Variants in CYB5R3 observed in about 807,000 individuals in gnomAD.
The protein encoded by CYB5R3 is NADH-cytochrome b5 reductase 3.
In CYB5R3, 28 loss-of-function variants were observed where a neutral mutation model predicts 36.5. The ratio of observed to expected loss-of-function variants is 0.77; its 90% CI spans 0.57 to 1.05. The LOEUF is 1.05. Among genes scored for constraint, CYB5R3 ranks in the 50% least tolerant of loss-of-function variants. The probability of loss-of-function intolerance (pLI) is 0.00; values close to 1 mark genes in which losing one functional copy is unlikely to be tolerated. For synonymous variants in CYB5R3, 181 were observed against 159.8 expected, an observed-to-expected ratio of 1.13 and a Z score of -1.00; for missense variants, 474 against 408.9, an observed-to-expected ratio of 1.16 and a Z score of -1.37.
rs546611787 is a variant in CYB5R3 at position 42,619,611 on chromosome 22, C to T, written c.*162G>A. On this transcript the variant is annotated 3_prime_UTR_variant, in exon 9 of 9. Coordinates refer to ENST00000352397, the MANE Select transcript of CYB5R3 (RefSeq NM_000398.7). ...CCCATCTGGGACACAGCCCTGCTCCCGAAGGGGCTCCAGGGGAACTGCTCA... is the reference window on the plus strand; with the variant it reads ...CCCATCTGGGACACAGCCCTGCTCCTGAAGGGGCTCCAGGGGAACTGCTCA... The T allele has an allele frequency of 8.8e-6, 6 of 684,146 alleles. No individual in the cohort carries two copies. The highest frequency in any genetic ancestry group is 2.6e-5 in the Admixed American group (1 of 37,802). The allele number at this position is 684,146 out of a possible 1,614,324, so 42.4% of individuals were successfully genotyped here.
At position 42,645,936 on chromosome 22, in the gene CYB5R3, C is replaced by G. The variant is rs1929516087; in HGVS notation, c.21+3359G>C. ...CCAGGAGGCCCCGCCCGAGTTCAAG[C>G]CAGACGGGGAGACAGACACCGGCAG... On this transcript the variant is annotated intron_variant, in intron 1 of 8. Transcript: ENST00000352397. Among the ~76,000 whole-genome samples the G allele has an allele frequency of 2.6e-5, 4 of 152,254 alleles. No homozygotes were observed. In the South Asian group the frequency reaches 6.2e-4, roughly 24 times the overall value.
At chr22:42,638,171 G>C (rs1929000099) in intron 1 of CYB5R3, among the ~76,000 whole-genome samples, 1 of 152,086 alleles carries the variant, frequency 6.6e-6, no homozygotes, top group Non-Finnish European at 1.5e-5. Context: ...CAAGGTGGGT[G>C]GATCACCTGA....
chr22:42,639,791 C>G (rs1929138109), intron 1 of CYB5R3: 1 of 753,020 alleles, frequency 1.3e-6, no homozygotes, highest in Admixed American at 3.1e-5. Context: ...TTAAATGGTT[C>G]AAAATATAGA....
chr22:42,625,112 G>T (rs1416673733), intron 7 of CYB5R3, among the ~76,000 whole-genome samples: 1 of 152,194 alleles, frequency 6.6e-6, no homozygotes, highest in African/African-American at 2.4e-5. Context: ...AAAAAATACA[G>T]AAAATATGGA....
rs1176946418 is a variant in CYB5R3, at chr22:42,647,032, G to C, written c.21+2263C>G. On this transcript the variant is annotated intron_variant, in intron 1 of 8. Transcript: ENST00000352397. Reference sequence around the variant, plus strand: ...ACCCCTGGCCTGGATCCCACAAAGTGTTGGGAGAGGCCTCCCATGGGGCCT... The same window carrying C: ...ACCCCTGGCCTGGATCCCACAAAGTCTTGGGAGAGGCCTCCCATGGGGCCT... 6 of 953,818 alleles carry C rather than the reference G, an allele frequency of 6.3e-6. No homozygotes were observed. The East Asian group carries it at 6.9e-4, about 110-fold the overall frequency. 59.1% of individuals were successfully genotyped at this position (953,818 alleles called of 1,614,324 possible). A position where few individuals can be genotyped will look rare whatever the true frequency, so the allele number is the denominator to read the frequency against.
chr22:42,621,196 G>GTGTGTA (rs1436218477), intron 8 of CYB5R3, among the ~76,000 whole-genome samples: 1 of 150,758 alleles, frequency 6.6e-6, no homozygotes, highest in Non-Finnish European at 1.5e-5. Context: ...GTGTGTGTGT[G>GTGTGTA]TGTGTGTGTG....
At chr22:42,641,370 G>A (rs920192002) in intron 1 of CYB5R3, among the ~76,000 whole-genome samples, 7 of 150,640 alleles carry the variant, frequency 4.6e-5, no homozygotes, top group South Asian at 2.1e-4. Context: ...GCAGTGGCGC[G>A]ATCTTGTCTC....
At chr22:42,647,855 A>T (rs1929601466) in intron 1 of CYB5R3, among the ~76,000 whole-genome samples, 1 of 151,874 alleles carries the variant, frequency 6.6e-6, no homozygotes, top group Admixed American at 6.6e-5. Context: ...TGGGTGAGAG[A>T]CTCTTCTCAA....
In CYB5R3 at chr22:42,644,306, G is replaced by A. The variant is rs1357436759; in HGVS notation, c.21+4989C>T. 3 of 682,104 alleles carry A rather than the reference G, an allele frequency of 4.4e-6. No homozygotes were observed. In the African/African-American group the frequency reaches 5.3e-5, roughly 12 times the overall value. 42.3% of individuals were successfully genotyped at this position (682,104 alleles called of 1,614,324 possible). On this transcript the variant is annotated intron_variant, in intron 1 of 8. Coordinates refer to ENST00000352397, the MANE Select transcript of CYB5R3 (RefSeq NM_000398.7). ...CCCCGGGGGTCCGAACCAACAGGCG[G>A]CTCCACCCCTCCTCAAATACCCACC...
In CYB5R3 at chr22:42,629,460, G is replaced by A. The variant is rs138636925; in HGVS notation, c.334-1179C>T. The stretch of plus-strand genomic sequence containing the variant: ...TCCCTGGTGGCCCTTCTGGAAGCTC[G>A]GTCGCAGGTACCTGTCCCCTGCAGG... On this transcript the variant is annotated intron_variant, in intron 4 of 8. Coordinates refer to ENST00000352397, the MANE Select transcript of CYB5R3 (RefSeq NM_000398.7). Among the ~76,000 whole-genome samples the A allele has an allele frequency of 6.7e-4, 102 of 152,276 alleles. No homozygotes were observed. The East Asian group carries it at 0.018, about 27-fold the overall frequency.
chr22:42,629,990 G>T (rs1928523716), intron 4 of CYB5R3, among the ~76,000 whole-genome samples: 1 of 152,122 alleles, frequency 6.6e-6, no homozygotes, highest in African/African-American at 2.4e-5. Context: ...AGTAGAGACG[G>T]GGTTTCTCCA....
At position 42,623,844 on chromosome 22, in the gene CYB5R3, C is replaced by G; in HGVS notation, c.678G>C (p.Arg226Ser). The G allele has an allele frequency of 6.2e-7, 1 of 1,614,196 alleles. No homozygotes were observed. The highest frequency in any genetic ancestry group is 2.2e-5 in the East Asian group (1 of 44,880). The part of the protein sequence containing the change: ...ILLRPELEEL[R>S]NKHSARFKLW... ...GCTTGAAGCGTGCAGAATGTTTGTT[C>G]CTGAGTTCCTCCAGCTCAGGTCGCA... The change falls in exon 8 of 9, where the codon AGG (arginine) becomes AGC (serine). Residue 226 changes from arginine (R) to serine (S), a missense_variant. Physicochemically the swap from Arg to Ser is moderately radical, Grantham distance 110. Transcript: ENST00000352397.
intron 4 of CYB5R3, among the ~76,000 whole-genome samples, chr22:42,629,172 G>T (rs1201506481): frequency 6.6e-6 from 1 of 152,140 alleles, no homozygotes; most frequent in Non-Finnish European, 1.5e-5. Context: ...AGATGCTTGA[G>T]CCCTCATCAC....
chr22:42,632,875 T>C (rs970072863), intron 2 of CYB5R3: 30 of 151,646 alleles, frequency 2.0e-4, no homozygotes, highest in African/African-American at 7.3e-4. Flanking sequence ...AAAACTACAA[T>C]GTTAGCCAGG....
intron 2 of CYB5R3, among the ~76,000 whole-genome samples, chr22:42,635,825 G>C (rs1172223762): frequency 2.0e-5 from 3 of 152,204 alleles, no homozygotes. Context: ...CAAGGGAGGG[G>C]CTCTGAAGAG....
chr22:42,645,631 G>A (rs1601952438), intron 1 of CYB5R3, among the ~76,000 whole-genome samples: 1 of 152,112 alleles, frequency 6.6e-6, no homozygotes, highest in Non-Finnish European at 1.5e-5. Flanking sequence ...GGGGCTGCCC[G>A]GAGCCAGGCG....
rs181434697 is a variant in CYB5R3, at chr22:42,620,202, T to C, written c.734-257A>G. Among the ~76,000 whole-genome samples the C allele has an allele frequency of 3.5e-3, 529 of 152,258 alleles. 12 individuals are homozygous for C. The highest frequency in any genetic ancestry group is 8.4e-4 in the Non-Finnish European group (57 of 68,018). Reference sequence around the variant, plus strand: ...AGTTTGCAAAGCCTTTTGCTTCCATTTGGCCTCCGGGGTGTCCCTTGGAAC... The same window carrying C: ...AGTTTGCAAAGCCTTTTGCTTCCATCTGGCCTCCGGGGTGTCCCTTGGAAC... On this transcript the variant is annotated intron_variant, in intron 8 of 8. Coordinates refer to ENST00000352397, the MANE Select transcript of CYB5R3 (RefSeq NM_000398.7).
At chr22:42,622,525 A>C (rs951093614) in intron 8 of CYB5R3, among the ~76,000 whole-genome samples, 6 of 152,050 alleles carry the variant, frequency 3.9e-5, no homozygotes, top group Non-Finnish European at 8.8e-5. Flanking sequence ...GACAACCCAC[A>C]CATCCACCAC....
At chr22:42,646,655 C>G (rs951821034) in intron 1 of CYB5R3, 1 of 985,538 alleles carries the variant, frequency 1.0e-6, no homozygotes. Flanking sequence ...CCCCTGCCTG[C>G]CCGCCAGCGG....
Sources: allele counts gnomAD v4.1 joint callset (sites outside exome capture counted in the v4.1 genomes callset), GRCh38; gene constraint gnomAD v4.1.1; transcripts MANE v1.5; gene names NCBI Gene and HGNC (gene_info 2026-07-23, HGNC 2026-07-21).